The following HFM1 variants were observed in gnomAD, a reference collection of about 807,000 sequenced individuals.
HFM1 encodes the protein helicase for meiosis 1.
HFM1 carries 169 observed loss-of-function variants against 192.1 expected under a neutral mutation model. The observed-to-expected ratio is 0.88, with a 90% CI of 0.78 to 1.00. HFM1 has a LOEUF of 1.00. HFM1 is among the 50% of genes least tolerant of loss of function. HFM1 has a pLI of 0.00. For synonymous variants in HFM1, 525 were observed against 537.8 expected (o/e 0.98, Z 0.33); for missense variants, 1,661 against 1,668.0 (o/e 1.00, Z 0.07).
chr1:91,287,553 C>G (rs1454210313), intron 30 of HFM1, among the ~76,000 whole-genome samples: 2 of 152,092 alleles, frequency 1.3e-5, no homozygotes, highest in African/African-American at 2.4e-5. Context: ...GATAAAACCA[C>G]AAAGATAGGG....
At chr1:91,351,205 AAAAT>A (rs1350359292) in intron 17 of HFM1, among the ~76,000 whole-genome samples, 7 of 151,918 alleles carry the variant, frequency 4.6e-5, no homozygotes, top group African/African-American at 1.7e-4. Context: ...ATAAGAAGTG[AAAAT>A]GATATTTCTC....
At chr1:91,383,019 C>T (rs981335651) in intron 6 of HFM1, among the ~76,000 whole-genome samples, 1 of 152,168 alleles carries the variant, frequency 6.6e-6, no homozygotes, top group Non-Finnish European at 1.5e-5. Flanking sequence ...TCCAAGTAAT[C>T]TACAAACTCT....
At chr1:91,324,106 G>A (rs894048573) in intron 21 of HFM1, among the ~76,000 whole-genome samples, 1 of 152,298 alleles carries the variant, frequency 6.6e-6, no homozygotes, top group South Asian at 2.1e-4. Flanking sequence ...ATTCACTGCT[G>A]CAGCTGCAAA....
rs779478584 is a variant in HFM1 at position 91,316,169 on chromosome 1, G to A, written c.2914C>T (p.Pro972Ser). Residue 972 changes from proline (P) to serine (S), a missense_variant, in exon 27 of 39, where the codon CCC (proline) becomes TCC (serine). By Grantham distance (74) the Pro-to-Ser change is moderately conservative. Transcript: ENST00000370425. ...RELELILNRHPPFGTQIKETV... is the reference protein window; with the variant it reads ...RELELILNRHSPFGTQIKETV... ...TCTTTTATCTGGGTTCCAAAGGGGG[G>A]ATGTCTGTTTAAAATCTAAAAATAT... is the stretch of plus-strand genomic sequence containing the variant. 7 of 1,574,010 alleles carry A rather than the reference G, an allele frequency of 4.4e-6. No homozygotes were observed.
At chr1:91,374,885 TG>T (rs1186073034) in intron 13 of HFM1, among the ~76,000 whole-genome samples, 3 of 152,084 alleles carry the variant, frequency 2.0e-5, no homozygotes, top group African/African-American at 7.2e-5. Context: ...TTAGAAAGAA[TG>T]AACCTCAGGT....
At chr1:91,397,075 C>T (rs959739214) in intron 2 of HFM1, among the ~76,000 whole-genome samples, 3 of 152,170 alleles carry the variant, frequency 2.0e-5, no homozygotes, top group African/African-American at 7.2e-5. Context: ...AGTTTCATCC[C>T]GAAACCATCT....
chr1:91,376,784 T>C (rs1398244029), intron 11 of HFM1, among the ~76,000 whole-genome samples: 1 of 151,872 alleles, frequency 6.6e-6, no homozygotes, highest in African/African-American at 2.4e-5. Flanking sequence ...ATTCCATTAT[T>C]ATACTATCCA....
chr1:91,289,852 A>AAGAGGGAGAGGGAGACG (rs1163825299), intron 30 of HFM1, among the ~76,000 whole-genome samples: 1 of 152,004 alleles, frequency 6.6e-6, no homozygotes, highest in Admixed American at 6.5e-5. Context: ...AGACCGTGCA[A>AAGAGGGAGAGGGAGACG]AGAGGGAGAG....
intron 20 of HFM1, among the ~76,000 whole-genome samples, chr1:91,330,997 A>G (rs1256726152): frequency 3.3e-5 from 5 of 152,200 alleles, no homozygotes; most frequent in Non-Finnish European, 7.4e-5. Flanking sequence ...ATAAAGCCAT[A>G]TATCATGACC....
intron 13 of HFM1, among the ~76,000 whole-genome samples, chr1:91,355,458 A>G (rs997358376): frequency 4.0e-5 from 6 of 151,584 alleles, no homozygotes; most frequent in African/African-American, 1.2e-4. Flanking sequence ...AGATCCAACT[A>G]CATGCTGCCT....
chr1:91,281,108 T>C (rs1342610061), intron 30 of HFM1, among the ~76,000 whole-genome samples: 1 of 152,112 alleles, frequency 6.6e-6, no homozygotes, highest in Non-Finnish European at 1.5e-5. Context: ...GAGAACAGAT[T>C]TGAGATAAGA....
At position 91,380,997 on chromosome 1, in the gene HFM1, A is replaced by G. The variant is rs1261250944; in HGVS notation, c.803-15T>C. ...AAATTTTGCCGCTTACAATAACATT[A>G]AGGAGTCAAATATTTCAGAATTTAA... On this transcript the variant is annotated splice_polypyrimidine_tract_variant and intron_variant, in intron 6 of 38. Coordinates refer to ENST00000370425, the MANE Select transcript of HFM1 (RefSeq NM_001017975.6). 15 of 1,132,450 alleles carry G rather than the reference A, an allele frequency of 1.3e-5. No homozygotes were observed. Among genetic ancestry groups the G allele is most frequent in the Non-Finnish European group, 1.6e-5 (12 of 760,028 alleles). The allele number at this position is 1,132,450 out of a possible 1,614,324, so 70.2% of individuals were successfully genotyped here.
chr1:91,389,141 T>G (rs1025430740), intron 4 of HFM1, among the ~76,000 whole-genome samples: 5 of 145,576 alleles, frequency 3.4e-5, no homozygotes, highest in Non-Finnish European at 4.5e-5. Context: ...GGTTTTTTTT[T>G]TTTTTTTTTT....
chr1:91,304,118 G>C (rs1367253397), intron 30 of HFM1, among the ~76,000 whole-genome samples: 1 of 152,134 alleles, frequency 6.6e-6, no homozygotes, highest in Non-Finnish European at 1.5e-5. Context: ...GCCTCCCAAA[G>C]TGTTGGGATT....
In HFM1 at chr1:91,375,425, C is replaced by T; in HGVS notation, c.1618G>A (p.Val540Met). The change falls in exon 13 of 39, where the codon GTG (valine) becomes ATG (methionine). Residue 540 changes from valine (V) to methionine (M), a missense_variant. Physicochemically the swap from Val to Met is conservative, Grantham distance 21. Coordinates refer to ENST00000370425, the MANE Select transcript of HFM1 (RefSeq NM_001017975.6). Reference protein sequence around the residue: ...TLVFCATRKGVQQAASVLVKD... With the variant: ...TLVFCATRKGMQQAASVLVKD... ...ACAAGAACAGAAGCAGCCTGTTGCACACCCTTCCTTGTTGCACAAAACTGA... is the reference window on the plus strand; with the variant it reads ...ACAAGAACAGAAGCAGCCTGTTGCATACCCTTCCTTGTTGCACAAAACTGA... 1 of 1,613,136 alleles carries T rather than the reference C, an allele frequency of 6.2e-7. No individual in the cohort carries two copies. The highest frequency in any genetic ancestry group is 8.5e-7 in the Non-Finnish European group (1 of 1,179,384).
At chr1:91,268,014 T>C (rs12567679) in intron 34 of HFM1, among the ~76,000 whole-genome samples, 159 bp from the exon 35 acceptor site, 30,857 of 152,042 alleles carry the variant, frequency 0.2, 3,916 homozygotes, top group South Asian at 0.35. Flanking sequence ...TAAAAGACTA[T>C]AGGTACTTTT....
At chr1:91,280,825 T>C (rs2100818674) in intron 30 of HFM1, among the ~76,000 whole-genome samples, 1 of 152,350 alleles carries the variant, frequency 6.6e-6, no homozygotes, top group Middle Eastern at 3.4e-3. Flanking sequence ...ACCATGCTGA[T>C]CTTGCTTTGC....
At chr1:91,279,603 C>T (rs1050373083) in intron 30 of HFM1, among the ~76,000 whole-genome samples, 1 of 152,210 alleles carries the variant, frequency 6.6e-6, no homozygotes, top group African/African-American at 2.4e-5. Flanking sequence ...CCCATATTAG[C>T]CCTACATCCA....
intron 25 of HFM1, among the ~76,000 whole-genome samples, chr1:91,318,841 C>T (rs1360448993): frequency 1.3e-5 from 2 of 152,138 alleles, no homozygotes; most frequent in African/African-American, 2.4e-5. Flanking sequence ...TTTCAAATGA[C>T]AGCATTAATT....
Sources: allele counts gnomAD v4.1 joint callset (sites outside exome capture counted in the v4.1 genomes callset), GRCh38; gene constraint gnomAD v4.1.1; transcripts MANE v1.5; gene names NCBI Gene and HGNC (gene_info 2026-07-23, HGNC 2026-07-21).